DDX46: variants seen among roughly 807,000 people sequenced by gnomAD.
The protein encoded by DDX46 is DEAD-box helicase 46.
A neutral mutation model predicts 134.9 loss-of-function variants in DDX46; 30 were observed. The observed-to-expected ratio is 0.22, with a 90% CI of 0.17 to 0.30. The LOEUF (loss-of-function observed/expected upper bound fraction) is 0.30. Among genes scored for constraint, DDX46 ranks in the 10% least tolerant of loss-of-function variants. The probability of loss-of-function intolerance (pLI) is 1.00; values close to 1 mark genes in which losing one functional copy is unlikely to be tolerated. For missense variants in DDX46, 622 were observed against 1,248.7 expected, an observed-to-expected ratio of 0.50 and a Z score of 7.56; for synonymous variants, 415 against 404.1, an observed-to-expected ratio of 1.03 and a Z score of -0.32.
At chr5:134,795,540 G>T (rs1221164363) in intron 14 of DDX46, among the ~76,000 whole-genome samples, 1 of 152,132 alleles carries the variant, frequency 6.6e-6, no homozygotes, top group African/African-American at 2.4e-5. Flanking sequence ...ACCAAAAGTG[G>T]TGAGTGGTGA....
At chr5:134,774,278 A>G (rs897760733) in intron 5 of DDX46, among the ~76,000 whole-genome samples, 1 of 151,778 alleles carries the variant, frequency 6.6e-6, no homozygotes, top group Non-Finnish European at 1.5e-5. Context: ...ATGTTGTAGC[A>G]TGTTGGAATT....
At chr5:134,759,148 C>T (rs1232406941) in intron 1 of DDX46, among the ~76,000 whole-genome samples, 193 bp downstream of exon 1, 1 of 152,192 alleles carries the variant, frequency 6.6e-6, no homozygotes, top group African/African-American at 2.4e-5. Flanking sequence ...ACGGCTTCCC[C>T]TGCACTACCA....
In DDX46 at chr5:134,782,958, T is replaced by C. The variant is rs1754200678; in HGVS notation, c.1059T>C (p.Phe353=). 1 of 1,613,480 alleles carries C rather than the reference T, an allele frequency of 6.2e-7. No individual in the cohort carries two copies. Among genetic ancestry groups the C allele is most frequent in the Non-Finnish European group, 8.5e-7 (1 of 1,179,662 alleles). ...TTTGTTTTGTAGAGGTAAATGTGTT[T>C]CGATTGGAAATGGAGGGCATTACAG... ...AKMSQEEVNV[F]RLEMEGITVK... The change falls in exon 9 of 23, where the codon TTT becomes TTC. Residue 353 remains phenylalanine (F), a synonymous_variant. Coordinates refer to ENST00000452510, the MANE Select transcript of DDX46 (RefSeq NM_001300860.2).
intron 1 of DDX46, among the ~76,000 whole-genome samples, chr5:134,760,881 C>T (rs1471182899): frequency 1.3e-5 from 2 of 152,104 alleles, no homozygotes; most frequent in Non-Finnish European, 2.9e-5. Context: ...AGGCGCCTGC[C>T]ACCGCGTCAG....
intron 12 of DDX46, among the ~76,000 whole-genome samples, chr5:134,789,052 T>C (rs999733920): frequency 2.0e-5 from 3 of 152,222 alleles, no homozygotes; most frequent in Admixed American, 2.0e-4. Context: ...CCACATGAGC[T>C]AGTATTTTCT....
chr5:134,824,929 A>G (rs1227563687), intron 21 of DDX46, among the ~76,000 whole-genome samples: 1 of 152,226 alleles, frequency 6.6e-6, no homozygotes, highest in Non-Finnish European at 1.5e-5. Flanking sequence ...TGTATAATTT[A>G]TATAGCCTGT....
chr5:134,780,562 C>CTCAATCAATCAA (rs1477232038), intron 6 of DDX46, among the ~76,000 whole-genome samples: 1 of 110,024 alleles, frequency 9.1e-6, no homozygotes, highest in African/African-American at 3.2e-5. Context: ...AAAACTTTAT[C>CTCAATCAATCAA]TCAATAAATA....
chr5:134,795,220 G>GT lies in DDX46; in HGVS notation c.1791+216dup, dbSNP rs3069322. ...AAAATGCTTGTTTTTTTTTTTTTTT[G>GT]TTTTTTTTTTGCTGGGTGCAGTGGT... On this transcript the variant is annotated intron_variant, in intron 14 of 22. Coordinates refer to ENST00000452510, the MANE Select transcript of DDX46 (RefSeq NM_001300860.2). 4.4e-3 allele frequency among the ~76,000 whole-genome samples: 461 copies of GT among 104,302 alleles called. 1 individual carries two copies. The highest frequency in any genetic ancestry group is 8.2e-3 in the African/African-American group (240 of 29,122). 68.4% of individuals were successfully genotyped at this position (104,302 alleles called of 152,430 possible).
intron 21 of DDX46, among the ~76,000 whole-genome samples, chr5:134,821,014 C>G (rs1276835883): frequency 1.3e-5 from 2 of 150,652 alleles, no homozygotes; most frequent in African/African-American, 2.4e-5. Flanking sequence ...TACAGGTGCC[C>G]CCCCGCCACA....
intron 5 of DDX46, 88 bp from the exon 6 acceptor site, chr5:134,777,485 GA>G: frequency 6.9e-7 from 1 of 1,449,892 alleles, no homozygotes; most frequent in African/African-American, 1.4e-5. Flanking sequence ...GGCAGTGGCA[GA>G]AAAGGTTAGA....
Position 134,785,847 on chromosome 5 carries a change from G to GT in DDX46, c.1464+273dup, listed in dbSNP as rs59596450. 5.4e-3 allele frequency among the ~76,000 whole-genome samples: 787 copies of GT among 145,508 alleles called. 3 individuals are homozygous for GT. The highest frequency in any genetic ancestry group is 0.014 in the African/African-American group (573 of 40,004). ...GCTAAGCCAGTAGATCTCACATCAT[G>GT]TTTTTTTTTTTTCTTTTTTGAGATG... On this transcript the variant is annotated intron_variant, in intron 11 of 22. Transcript: ENST00000452510.
At chr5:134,759,316 C>T (rs1440780262) in intron 1 of DDX46, among the ~76,000 whole-genome samples, 1 of 152,192 alleles carries the variant, frequency 6.6e-6, no homozygotes, top group Non-Finnish European at 1.5e-5. Flanking sequence ...ATTTCCTCGA[C>T]TCCTGTCATT....
chr5:134,782,477 T>TAA (rs57364481), intron 8 of DDX46, among the ~76,000 whole-genome samples: 2 of 151,214 alleles, frequency 1.3e-5, no homozygotes, highest in African/African-American at 4.9e-5. Flanking sequence ...CCATCTCTAC[T>TAA]AAAAAAATAC....
rs1463269766 is a variant in DDX46 at position 134,764,036 on chromosome 5, G to A, written c.150G>A (p.Glu50=). The change falls in exon 2 of 23, where the codon GAG becomes GAA. Residue 50 remains glutamate (E), a synonymous_variant. Transcript: ENST00000452510. ...GTAGAGATAGAGATAGGAGGAGAGAGAGGTCTCGTAGCAGGGATAAAAGAA... is the reference window on the plus strand; with the variant it reads ...GTAGAGATAGAGATAGGAGGAGAGAAAGGTCTCGTAGCAGGGATAAAAGAA... ...SRSRDRDRRR[E]RSRSRDKRRS... The A allele has an allele frequency of 3.7e-6, 6 of 1,614,226 alleles. No homozygotes were observed. The highest frequency in any genetic ancestry group is 5.1e-6 in the Non-Finnish European group (6 of 1,180,042).
rs1276383956 is a variant in DDX46 at position 134,828,939 on chromosome 5, C to T, written c.*233C>T. On this transcript the variant is annotated 3_prime_UTR_variant, in exon 23 of 23. Coordinates refer to ENST00000452510, the MANE Select transcript of DDX46 (RefSeq NM_001300860.2). Reference sequence around the variant, plus strand: ...AGAGTATGATGTCCTTTAATGTAAACTCAAATATCAATATTTTAAATGTCC... The same window carrying T: ...AGAGTATGATGTCCTTTAATGTAAATTCAAATATCAATATTTTAAATGTCC... The T allele has an allele frequency of 6.0e-6, 2 of 332,166 alleles. No individual in the cohort carries two copies. The highest frequency in any genetic ancestry group is 4.4e-5 in the East Asian group (1 of 22,492). 20.6% of individuals were successfully genotyped at this position (332,166 alleles called of 1,614,324 possible). A position where few individuals can be genotyped will look rare whatever the true frequency, so the allele number is the denominator to read the frequency against.
At chr5:134,819,524 A>G (rs1755383379) in intron 21 of DDX46, among the ~76,000 whole-genome samples, 2 of 152,300 alleles carry the variant, frequency 1.3e-5, no homozygotes, top group South Asian at 4.1e-4. Context: ...AATTCATTCC[A>G]GAGGCAATTT....
chr5:134,828,708 C>A lies in DDX46; in HGVS notation c.*2C>A. 6.7e-7 allele frequency: 1 copy of A among 1,501,380 alleles called. No individual in the cohort carries two copies. Among genetic ancestry groups the A allele is most frequent in the South Asian group, 1.5e-5 (1 of 67,988 alleles). The allele number at this position is 1,501,380 out of a possible 1,614,324, so 93.0% of individuals were successfully genotyped here. The stretch of plus-strand genomic sequence containing the variant: ...AAAGGAAGATACAAAGTCTTATAGA[C>A]ATCCGGAAAAAAGATTTTTACCTGT... On this transcript the variant is annotated 3_prime_UTR_variant, in exon 23 of 23. Coordinates refer to ENST00000452510, the MANE Select transcript of DDX46 (RefSeq NM_001300860.2).
intron 21 of DDX46, among the ~76,000 whole-genome samples, chr5:134,823,418 C>T (rs892521376): frequency 6.6e-6 from 1 of 152,068 alleles, no homozygotes; most frequent in African/African-American, 2.4e-5. Context: ...GGATTACAGG[C>T]GAGAGCCACC....
intron 3 of DDX46, among the ~76,000 whole-genome samples, chr5:134,767,855 C>A (rs1478647725): frequency 6.6e-6 from 1 of 151,444 alleles, no homozygotes; most frequent in African/African-American, 2.4e-5. Context: ...GAGGCTGAGG[C>A]CGGAGAATCG....
Sources: allele counts gnomAD v4.1 joint callset (sites outside exome capture counted in the v4.1 genomes callset), GRCh38; gene constraint gnomAD v4.1.1; transcripts MANE v1.5; gene names NCBI Gene and HGNC (gene_info 2026-07-23, HGNC 2026-07-21).